Variants in SPAG16 observed in about 807,000 individuals in gnomAD.
SPAG16 encodes the protein sperm-associated antigen 16 protein.
Under a neutral mutation model 80.4 loss-of-function variants are expected in SPAG16, and 86 were observed. The ratio of observed to expected loss-of-function variants is 1.07; its 90% CI spans 0.90 to 1.28. The LOEUF (loss-of-function observed/expected upper bound fraction) is 1.28, where lower values mean the gene tolerates loss of function less well. Among genes scored for constraint, SPAG16 ranks in the 50% most tolerant of loss-of-function variants. SPAG16 has a pLI of 0.00. For missense variants in SPAG16, 870 were observed against 765.3 expected (o/e 1.14, Z -1.61); for synonymous variants, 294 against 265.9 (o/e 1.11, Z -1.03).
chr2:214,289,055 A>T (rs950880695), intron 15 of SPAG16, among the ~76,000 whole-genome samples: 1 of 152,116 alleles, frequency 6.6e-6, no homozygotes, highest in South Asian at 2.1e-4. Flanking sequence ...GGCATGAGCC[A>T]CCGTTCCCAG....
chr2:214,158,692 T>C (rs1309951322), intron 15 of SPAG16, among the ~76,000 whole-genome samples: 1 of 151,968 alleles, frequency 6.6e-6, no homozygotes. Flanking sequence ...AATAGGTATA[T>C]TTATAATTTT....
intron 10 of SPAG16, among the ~76,000 whole-genome samples, chr2:213,620,478 G>A (rs977807696): frequency 1.3e-5 from 2 of 151,698 alleles, no homozygotes; most frequent in Admixed American, 6.6e-5. Flanking sequence ...ATTTTTAGTA[G>A]AGATAGGGTT....
Position 213,520,042 on chromosome 2 carries a change from CGAGA to C in SPAG16, c.1070+29963_1070+29966del, listed in dbSNP as rs748201144. Among the ~76,000 whole-genome samples the C allele has an allele frequency of 1.5e-3, 218 of 149,400 alleles. 2 individuals carry two copies. The highest frequency in any genetic ancestry group is 2.7e-3 in the Non-Finnish European group (182 of 67,202). On this transcript the variant is annotated intron_variant, in intron 10 of 15. Coordinates refer to ENST00000331683, the MANE Select transcript of SPAG16 (RefSeq NM_024532.5). ...GCATGTGCGTGCACACACACACACACGAGAGAGAGAGAGAAATAGAGAGGAGAGA... is the reference window on the plus strand; with the variant it reads ...GCATGTGCGTGCACACACACACACACGAGAGAGAGAAATAGAGAGGAGAGA...
At chr2:213,312,710 A>G (rs2063245429) in intron 4 of SPAG16, among the ~76,000 whole-genome samples, 1 of 151,846 alleles carries the variant, frequency 6.6e-6, no homozygotes, top group Admixed American at 6.6e-5. Flanking sequence ...TATTTATAAC[A>G]TTTAATTACT....
At chr2:213,316,340 G>T (rs1447443767) in intron 4 of SPAG16, among the ~76,000 whole-genome samples, 6 of 151,942 alleles carry the variant, frequency 3.9e-5, no homozygotes, top group Non-Finnish European at 7.4e-5. Flanking sequence ...TTTCTAGAAG[G>T]TACTTCTCAT....
At chr2:214,128,909 G>A (rs1417708753) in intron 14 of SPAG16, among the ~76,000 whole-genome samples, 5 of 151,688 alleles carry the variant, frequency 3.3e-5, no homozygotes, top group South Asian at 2.1e-4. Context: ...TTACTTCCCC[G>A]CTACTAAAGC....
At chr2:214,383,546 G>A (rs1317135120) in intron 15 of SPAG16, among the ~76,000 whole-genome samples, 1 of 150,400 alleles carries the variant, frequency 6.6e-6, no homozygotes, top group African/African-American at 2.4e-5. Flanking sequence ...ACTCCAGCCT[G>A]GGCAACAGAG....
intron 11 of SPAG16, among the ~76,000 whole-genome samples, chr2:213,923,379 C>T (rs2078313234): frequency 6.6e-6 from 1 of 151,994 alleles, no homozygotes; most frequent in Non-Finnish European, 1.5e-5. Context: ...CCTGGGACAA[C>T]AGAAAGCTGC....
intron 11 of SPAG16, among the ~76,000 whole-genome samples, chr2:213,901,128 G>T (rs2077204270): frequency 6.6e-6 from 1 of 152,120 alleles, no homozygotes; most frequent in Non-Finnish European, 1.5e-5. Flanking sequence ...CTAGGAGTCA[G>T]ATTAATATTT....
At chr2:213,913,694 T>G in intron 11 of SPAG16, among the ~76,000 whole-genome samples, 1 of 151,522 alleles carries the variant, frequency 6.6e-6, no homozygotes, top group Non-Finnish European at 1.5e-5. Context: ...TGCATACACA[T>G]ACATGTGTGT....
chr2:213,366,744 T>C (rs1401811502), intron 8 of SPAG16, among the ~76,000 whole-genome samples: 1 of 152,164 alleles, frequency 6.6e-6, no homozygotes, highest in Non-Finnish European at 1.5e-5. Context: ...TGTCCATTGA[T>C]AGATGAATGG....
At chr2:213,711,386 AAAAGT>A (rs1489485042) in intron 10 of SPAG16, among the ~76,000 whole-genome samples, 9 of 152,144 alleles carry the variant, frequency 5.9e-5, no homozygotes, top group Non-Finnish European at 7.4e-5. Context: ...ATAAGACGTT[AAAAGT>A]AAAGTAAAAA....
intron 10 of SPAG16, among the ~76,000 whole-genome samples, chr2:213,532,989 C>T (rs1210952500): frequency 6.6e-6 from 1 of 151,878 alleles, no homozygotes; most frequent in African/African-American, 2.4e-5. Context: ...AGGAATACAG[C>T]CATTCAAAAA....
At chr2:213,476,223 G>T (rs1352572898) in intron 9 of SPAG16, among the ~76,000 whole-genome samples, 1 of 152,198 alleles carries the variant, frequency 6.6e-6, no homozygotes, top group East Asian at 1.9e-4. Context: ...AAGAAAATGT[G>T]ATAGGAAAGA....
chr2:213,618,634 T>A (rs1301194948), intron 10 of SPAG16, among the ~76,000 whole-genome samples: 3 of 152,168 alleles, frequency 2.0e-5, no homozygotes, highest in Admixed American at 2.0e-4. Context: ...TCATTTATCC[T>A]ATGCCTTAAA....
chr2:214,010,680 G>T (rs1399339072), intron 12 of SPAG16, among the ~76,000 whole-genome samples: 2 of 146,612 alleles, frequency 1.4e-5, no homozygotes, highest in Non-Finnish European at 1.5e-5. Flanking sequence ...CGAAACTGCT[G>T]TTGAAGTACT....
intron 15 of SPAG16, among the ~76,000 whole-genome samples, chr2:214,198,911 A>G (rs2057927437): frequency 6.7e-6 from 1 of 150,052 alleles, no homozygotes; most frequent in South Asian, 2.1e-4. Context: ...TCTTTTGAGA[A>G]CTCTCTATTC....
chr2:213,582,689 C>A (rs1261716910), intron 10 of SPAG16, among the ~76,000 whole-genome samples: 2 of 152,178 alleles, frequency 1.3e-5, no homozygotes, highest in Non-Finnish European at 2.9e-5. Context: ...CAGTAGGTCA[C>A]AGGTGATTCC....
chr2:213,290,144 A>G (rs1260234792), intron 1 of SPAG16, among the ~76,000 whole-genome samples: 3 of 152,186 alleles, frequency 2.0e-5, no homozygotes, highest in Admixed American at 2.0e-4. Context: ...AAAGATCGAG[A>G]ATATCAGGAT....
Sources: allele counts gnomAD v4.1 joint callset (sites outside exome capture counted in the v4.1 genomes callset), GRCh38; gene constraint gnomAD v4.1.1; transcripts MANE v1.5; gene names NCBI Gene and HGNC (gene_info 2026-07-23, HGNC 2026-07-21).